The following SCTR variants were observed in gnomAD, a reference collection of about 807,000 sequenced individuals.
The protein encoded by SCTR is pancreatic secretin receptor.
SCTR carries 56 observed loss-of-function variants against 60.8 expected under a neutral mutation model. The ratio of observed to expected loss-of-function variants is 0.92; its 90% CI spans 0.74 to 1.15. The LOEUF (loss-of-function observed/expected upper bound fraction) is 1.15, where lower values mean the gene tolerates loss of function less well. SCTR is among the 50% of genes most tolerant of loss of function. SCTR has a pLI of 0.00. For synonymous variants in SCTR, 202 were observed against 217.0 expected (o/e 0.93, Z 0.61); for missense variants, 562 against 550.4 (o/e 1.02, Z -0.21).
Position 119,503,553 on chromosome 2 carries a change from T to A in SCTR, c.73-9005A>T, listed in dbSNP as rs139263674. ...ATAAATCATTCAATAAATTACATAC[T>A]ATATAATCTCAACTGTATGGAAAAG... is the stretch of plus-strand genomic sequence containing the variant. On this transcript the variant is annotated intron_variant, in intron 1 of 12. Coordinates refer to ENST00000019103, the MANE Select transcript of SCTR (RefSeq NM_002980.3). Among the ~76,000 whole-genome samples the A allele has an allele frequency of 1.7e-3, 262 of 152,148 alleles. 4 individuals carry two copies. The highest frequency in any genetic ancestry group is 5.9e-3 in the African/African-American group (243 of 41,512).
intron 1 of SCTR, among the ~76,000 whole-genome samples, chr2:119,504,259 T>C (rs900011516): frequency 1.3e-5 from 2 of 152,194 alleles, no homozygotes; most frequent in African/African-American, 4.8e-5. Context: ...AAAATTAAAA[T>C]GGATCACGGG....
intron 12 of SCTR, 38 bp downstream of exon 12, chr2:119,441,520 A>C (rs779213157): frequency 6.4e-7 from 1 of 1,562,734 alleles, no homozygotes; most frequent in Non-Finnish European, 8.8e-7. Context: ...AATGGCTAGG[A>C]GCTCTCCTGG....
At chr2:119,463,648 AG>A (rs1473837828) in intron 6 of SCTR, among the ~76,000 whole-genome samples, 1 of 152,216 alleles carries the variant, frequency 6.6e-6, no homozygotes, top group Non-Finnish European at 1.5e-5. Context: ...CAATGAATTG[AG>A]TCATCTGGGC....
chr2:119,493,595 T>G (rs976649912), intron 2 of SCTR, among the ~76,000 whole-genome samples: 1 of 152,128 alleles, frequency 6.6e-6, no homozygotes, highest in African/African-American at 2.4e-5. Context: ...TTTATCTCAT[T>G]TATCATTATA....
Position 119,439,925 on chromosome 2 carries a change from C to A in SCTR, c.*192G>T. ...TCTCTTCCCAGAAGAGCAAACGAAC[C>A]AAATCCCAGGCCCTTGTCCTGCCCC... On this transcript the variant is annotated 3_prime_UTR_variant, in exon 13 of 13. Coordinates refer to ENST00000019103, the MANE Select transcript of SCTR (RefSeq NM_002980.3). 1.7e-6 allele frequency: 1 copy of A among 582,766 alleles called. No individual in the cohort carries two copies. The highest frequency in any genetic ancestry group is 2.6e-5 in the South Asian group (1 of 38,112). The allele number at this position is 582,766 out of a possible 1,614,324, so 36.1% of individuals were successfully genotyped here.
At chr2:119,516,055 T>C (rs2587656) in intron 1 of SCTR, among the ~76,000 whole-genome samples, 10,668 of 152,206 alleles carry the variant, frequency 0.07, 645 homozygotes, top group African/African-American at 0.16. Flanking sequence ...GGGGCTAATG[T>C]GGGGTGAGAA....
At chr2:119,467,716 T>C (rs1558851525) in intron 4 of SCTR, among the ~76,000 whole-genome samples, 1 of 152,164 alleles carries the variant, frequency 6.6e-6, no homozygotes, top group East Asian at 1.9e-4. Context: ...AACCCAAATG[T>C]CCAACAATAG....
intron 7 of SCTR, among the ~76,000 whole-genome samples, chr2:119,456,061 C>CAT (rs1553460789): frequency 8.3e-6 from 1 of 121,088 alleles, no homozygotes; most frequent in Non-Finnish European, 1.7e-5. Flanking sequence ...GATTTTTCAA[C>CAT]TTTTTTTTTT....
chr2:119,440,487 A>G (rs1291896653), intron 12 of SCTR, among the ~76,000 whole-genome samples: 2 of 152,180 alleles, frequency 1.3e-5, no homozygotes, highest in Middle Eastern at 3.2e-3. Flanking sequence ...ATCGTGTCTT[A>G]AAGAAAGGAC....
intron 1 of SCTR, among the ~76,000 whole-genome samples, chr2:119,498,945 T>G (rs1678442979): frequency 6.6e-6 from 1 of 152,022 alleles, no homozygotes; most frequent in Non-Finnish European, 1.5e-5. Flanking sequence ...ACTGGCATAT[T>G]GGATTTTAAA....
intron 1 of SCTR, among the ~76,000 whole-genome samples, chr2:119,519,545 G>A (rs1168087035): frequency 1.3e-5 from 2 of 152,006 alleles, no homozygotes; most frequent in East Asian, 1.9e-4. Flanking sequence ...GGTGGCTCAC[G>A]CCTGTAATCC....
intron 7 of SCTR, among the ~76,000 whole-genome samples, chr2:119,461,324 G>A (rs2104797507): frequency 1.3e-5 from 2 of 152,340 alleles, no homozygotes. Flanking sequence ...AGCTCTAGAT[G>A]CCAGAAACTG....
rs768054389 is a variant in SCTR, at chr2:119,494,565, A to G, written c.73-17T>C. 4 of 1,613,116 alleles carry G rather than the reference A, an allele frequency of 2.5e-6. No individual in the cohort carries two copies. Among genetic ancestry groups the G allele is most frequent in the Admixed American group, 1.7e-5 (1 of 59,978 alleles). On this transcript the variant is annotated splice_polypyrimidine_tract_variant and intron_variant, in intron 1 of 12. Transcript: ENST00000019103. ...GGCTCCAGTCTGCAAGTCCAAAACCAGGGATGCTCATCATTGCCACTAACT... is the reference window on the plus strand; with the variant it reads ...GGCTCCAGTCTGCAAGTCCAAAACCGGGGATGCTCATCATTGCCACTAACT...
chr2:119,444,062 A>T (rs1237728052), intron 11 of SCTR, among the ~76,000 whole-genome samples: 2 of 151,564 alleles, frequency 1.3e-5, no homozygotes, highest in Non-Finnish European at 2.9e-5. Context: ...GGGATAGGTA[A>T]TGGGGTTCAT....
At chr2:119,512,639 A>C (rs1331452166) in intron 1 of SCTR, among the ~76,000 whole-genome samples, 3 of 152,160 alleles carry the variant, frequency 2.0e-5, no homozygotes, top group African/African-American at 2.4e-5. Flanking sequence ...TCAGGTGATC[A>C]ACCCTCCTCA....
chr2:119,519,351 G>A (rs1047451387), intron 1 of SCTR, among the ~76,000 whole-genome samples: 2 of 152,144 alleles, frequency 1.3e-5, no homozygotes, highest in African/African-American at 2.4e-5. Context: ...TCATTTCTGG[G>A]CCCCTCAATA....
chr2:119,492,657 T>A (rs1678179069), intron 2 of SCTR, among the ~76,000 whole-genome samples: 1 of 152,162 alleles, frequency 6.6e-6, no homozygotes, highest in Non-Finnish European at 1.5e-5. Context: ...TATCTAGTTC[T>A]AACACATTTT....
At chr2:119,480,067 A>G (rs1205855341) in intron 2 of SCTR, among the ~76,000 whole-genome samples, 2 of 152,232 alleles carry the variant, frequency 1.3e-5, no homozygotes, top group African/African-American at 4.8e-5. Flanking sequence ...CCATAGGCAC[A>G]ATAATTATTG....
intron 10 of SCTR, 104 bp downstream of exon 10, chr2:119,448,583 TAC>T: frequency 2.8e-6 from 2 of 712,722 alleles, no homozygotes; most frequent in Non-Finnish European, 5.0e-6. Flanking sequence ...CGACTAGGTC[TAC>T]AACGTTTCCT....
Sources: allele counts gnomAD v4.1 joint callset (sites outside exome capture counted in the v4.1 genomes callset), GRCh38; gene constraint gnomAD v4.1.1; transcripts MANE v1.5; gene names NCBI Gene and HGNC (gene_info 2026-07-23, HGNC 2026-07-21).